The following SUPT7L variants were observed in gnomAD, a reference collection of about 807,000 sequenced individuals.
SUPT7L encodes SPT7 like, STAGA complex subunit gamma.
In SUPT7L, 15 loss-of-function variants were observed where a neutral mutation model predicts 35.7. That is an observed-to-expected ratio of 0.42 (90% CI 0.28 to 0.65). The LOEUF is 0.65. Ranked by LOEUF, SUPT7L falls within the 30% of genes least tolerant of loss-of-function variation. SUPT7L has a pLI of 0.23. For synonymous variants in SUPT7L, 168 were observed against 186.2 expected (o/e 0.90, Z 0.79); for missense variants, 434 against 522.2 (o/e 0.83, Z 1.65).
chr2:27,653,801 T>C, intron 5 of SUPT7L, 54 bp from the exon 6 acceptor site: 2 of 1,604,150 alleles, frequency 1.2e-6, no homozygotes, highest in South Asian at 2.2e-5. Flanking sequence ...TAGCCAAGTG[T>C]AGAACAAAGA....
downstream of SUPT7L, chr2:27,650,121 A>G: frequency 6.3e-7 from 1 of 1,588,208 alleles, no homozygotes; most frequent in Non-Finnish European, 8.6e-7. Flanking sequence ...GCAGTTACAG[A>G]GGAAAGCCAT....
chr2:27,655,329 TCC>T, intron 5 of SUPT7L, 34 bp downstream of exon 5: 1 of 1,495,610 alleles, frequency 6.7e-7, no homozygotes, highest in Non-Finnish European at 8.9e-7. Context: ...TTGGCAGATC[TCC>T]CAGAATCAAA....
In SUPT7L at chr2:27,655,218, T is replaced by C. The variant is rs1553360790; in HGVS notation, c.982+147A>G. 4.8e-6 allele frequency: 3 copies of C among 619,570 alleles called. No homozygotes were observed. In the East Asian group the frequency reaches 8.1e-5, roughly 17 times the overall value. 38.4% of individuals were successfully genotyped at this position (619,570 alleles called of 1,614,324 possible). ...AGAGAAGAATGCTGGGATCTCTAGA[T>C]AGGTGAAACTGTATTCGTTTTAGGA... On this transcript the variant is annotated intron_variant, in intron 5 of 5. Coordinates refer to ENST00000337768, the MANE Select transcript of SUPT7L (RefSeq NM_014860.3).
At position 27,653,638 on chromosome 2, in the gene SUPT7L, GA is replaced by G. The variant is rs1294034484; in HGVS notation, c.1091del (p.Val364AlafsTer9). 1 of 1,614,188 alleles carries G rather than the reference GA, an allele frequency of 6.2e-7. No individual in the cohort carries two copies. The highest frequency in any genetic ancestry group is 8.5e-7 in the Non-Finnish European group (1 of 1,180,042). On this transcript the variant is annotated frameshift_variant, in exon 6 of 6. Coordinates refer to ENST00000337768, the MANE Select transcript of SUPT7L (RefSeq NM_014860.3). LOFTEE classifies it high-confidence loss of function. The stretch of plus-strand genomic sequence containing the variant: ...TCATGCCTGACATAGGCTCCTCGAA[GA>G]CATCACTGCCCAGCACACCATGCCC... ...VSGHGVLGSD[V>X]FEEPMSGMSE...
In SUPT7L at chr2:27,662,739, G is replaced by A. The variant is rs534280208; in HGVS notation, c.-89-458C>T. ...CAGGGCCAGGCACACAGAAATATCT[G>A]GCATTTGTTGAATGTTTACTATATG... On this transcript the variant is annotated intron_variant, in intron 1 of 5. Transcript: ENST00000337768. Among the ~76,000 whole-genome samples, 7 of 152,228 alleles carry A rather than the reference G, an allele frequency of 4.6e-5. No individual in the cohort carries two copies. The South Asian group carries it at 1.5e-3, about 32-fold the overall frequency.
chr2:27,654,106 T>C (rs1258007007), intron 5 of SUPT7L, among the ~76,000 whole-genome samples: 1 of 152,118 alleles, frequency 6.6e-6, no homozygotes, highest in Non-Finnish European at 1.5e-5. Flanking sequence ...AGTTTGCCTG[T>C]CCTTCCTTCC....
chr2:27,654,802 G>A (rs1034026077), intron 5 of SUPT7L, among the ~76,000 whole-genome samples: 2 of 152,130 alleles, frequency 1.3e-5, no homozygotes, highest in East Asian at 1.9e-4. Flanking sequence ...TCCTGACCTC[G>A]TGATTCGCCC....
At position 27,657,546 on chromosome 2, in the gene SUPT7L, G is replaced by T; in HGVS notation, c.543C>A (p.Thr181=). ...AATACTCATGTGCCACATCAGTTAG[G>T]GTCTCCAGGACACTCTCATTAGCAC... ...FDCANESVLE[T]LTDVAHEYCL... is the part of the protein sequence containing the mutation. Residue 181 remains threonine, a synonymous_variant, in exon 4 of 6, where the codon ACC becomes ACA. Coordinates refer to ENST00000337768, the MANE Select transcript of SUPT7L (RefSeq NM_014860.3). This position sits in a 1 kb window ranked among gnomAD's most constrained non-coding sequence, Gnocchi z 5.2. 1.2e-6 allele frequency: 2 copies of T among 1,614,228 alleles called. No individual in the cohort carries two copies. Among genetic ancestry groups the T allele is most frequent in the Non-Finnish European group, 1.7e-6 (2 of 1,180,034 alleles).
chr2:27,650,195 A>C (rs1389988184), downstream of SUPT7L: 1 of 1,572,212 alleles, frequency 6.4e-7, no homozygotes, highest in Non-Finnish European at 8.8e-7. Context: ...GAGAAACAAT[A>C]AATAGGAGAC....
intron 2 of SUPT7L, chr2:27,661,976 CAT>C (rs1192154862): frequency 8.8e-6 from 6 of 681,234 alleles, no homozygotes; most frequent in Non-Finnish European, 1.5e-5. Context: ...CAACTTTTGA[CAT>C]ATAGAACGTG....
rs1240990653 is a variant in SUPT7L at position 27,653,191 on chromosome 2, A to AT, written c.*293dup. 2.5e-6 allele frequency: 1 copy of AT among 402,946 alleles called. No homozygotes were observed. The highest frequency in any genetic ancestry group is 2.0e-5 in the African/African-American group (1 of 49,398). The allele number at this position is 402,946 out of a possible 1,614,324, so 25.0% of individuals were successfully genotyped here. On this transcript the variant is annotated 3_prime_UTR_variant, in exon 6 of 6. Transcript: ENST00000337768. ...TCAGTTGTACAAGATAAATGGCTGT[A>AT]TAACATGTCTAGTCATAGTTAAGAC...
downstream of SUPT7L, among the ~76,000 whole-genome samples, chr2:27,647,022 A>G (rs1396671917): frequency 6.6e-6 from 1 of 152,182 alleles, no homozygotes; most frequent in Non-Finnish European, 1.5e-5. Flanking sequence ...GTTTAAGTAA[A>G]TCATTTGAGG....
At chr2:27,654,351 G>A (rs1674697317) in intron 5 of SUPT7L, among the ~76,000 whole-genome samples, 1 of 152,174 alleles carries the variant, frequency 6.6e-6, no homozygotes, top group Non-Finnish European at 1.5e-5. Flanking sequence ...AAGGCTCTCT[G>A]CCCAACACTT....
At chr2:27,648,614 T>A (rs1309851903), downstream of SUPT7L, among the ~76,000 whole-genome samples, 2 of 152,196 alleles carry the variant, frequency 1.3e-5, no homozygotes, top group Non-Finnish European at 2.9e-5. Context: ...CATAGTTTTA[T>A]GGACTGTGCG....
Position 27,657,897 on chromosome 2 carries a change from A to G in SUPT7L, c.420-228T>C, listed in dbSNP as rs532795597. Among the ~76,000 whole-genome samples, 1 of 152,364 alleles carries G rather than the reference A, an allele frequency of 6.6e-6. No homozygotes were observed. Among genetic ancestry groups the G allele is most frequent in the Non-Finnish European group, 1.5e-5 (1 of 68,040 alleles). On this transcript the variant is annotated intron_variant, in intron 3 of 5. Transcript: ENST00000337768. The surrounding 1 kb of genome is among the most constrained non-coding windows in gnomAD (Gnocchi z 5.2). The stretch of plus-strand genomic sequence containing the variant: ...AAGACATAGTTTGAATAGGCAATAC[A>G]TGTCTATAATACACAATCCAAAAGG...
chr2:27,660,694 T>C (rs1017007562), intron 3 of SUPT7L, among the ~76,000 whole-genome samples: 9 of 152,132 alleles, frequency 5.9e-5, no homozygotes, highest in African/African-American at 2.2e-4. Context: ...GACTAGATCC[T>C]AAGAACTATG....
At position 27,657,290 on chromosome 2, in the gene SUPT7L, AAC is replaced by A; in HGVS notation, c.744+53_744+54del. 1 of 1,570,070 alleles carries A rather than the reference AAC, an allele frequency of 6.4e-7. No homozygotes were observed. Among genetic ancestry groups the A allele is most frequent in the Non-Finnish European group, 8.7e-7 (1 of 1,153,044 alleles). ...GACCAAGTGTTGTGGGATCCTGCTGAACACTCCGAGATTGCACAGACATCTGT... is the reference window on the plus strand; with the variant it reads ...GACCAAGTGTTGTGGGATCCTGCTGAACTCCGAGATTGCACAGACATCTGT... On this transcript the variant is annotated intron_variant, in intron 4 of 5. Coordinates refer to ENST00000337768, the MANE Select transcript of SUPT7L (RefSeq NM_014860.3). The surrounding 1 kb of genome is among the most constrained non-coding windows in gnomAD (Gnocchi z 5.2).
Position 27,663,500 on chromosome 2 carries a change from T to G in SUPT7L, c.-261A>C. The G allele has an allele frequency of 2.2e-6, 1 of 458,910 alleles. No individual in the cohort carries two copies. The allele number at this position is 458,910 out of a possible 1,614,324, so 28.4% of individuals were successfully genotyped here. ...CTGGACCTGAACCGAGACAAGGAGG[T>G]ACCACACTATTCACTGCTGCGTCGC... On this transcript the variant is annotated 5_prime_UTR_variant, in exon 1 of 6. Coordinates refer to ENST00000337768, the MANE Select transcript of SUPT7L (RefSeq NM_014860.3).
chr2:27,661,898 CTGTG>C (rs906920712), intron 2 of SUPT7L: 23 of 502,380 alleles, frequency 4.6e-5, no homozygotes, highest in African/African-American at 4.1e-4. Context: ...GGTTCTTACT[CTGTG>C]TGTCTTAGGC....
Sources: allele counts gnomAD v4.1 joint callset (sites outside exome capture counted in the v4.1 genomes callset), GRCh38; gene constraint gnomAD v4.1.1; non-coding constraint Gnocchi (gnomAD v3.1); transcripts MANE v1.5; gene names NCBI Gene and HGNC (gene_info 2026-07-23, HGNC 2026-07-21).